The following CAPN9 variants were observed in gnomAD, a reference collection of about 807,000 sequenced individuals.
CAPN9 encodes the protein calpain-9.
A neutral mutation model predicts 92.8 loss-of-function variants in CAPN9; 81 were observed. That is an observed-to-expected ratio of 0.87 (90% confidence interval 0.73 to 1.05). The LOEUF (loss-of-function observed/expected upper bound fraction) is 1.05. CAPN9 is among the 50% of genes least tolerant of loss of function. The probability of loss-of-function intolerance (pLI) is 0.00; values close to 1 mark genes in which losing one functional copy is unlikely to be tolerated. For synonymous variants in CAPN9, 304 were observed against 328.0 expected (o/e 0.93, Z 0.79); for missense variants, 848 against 866.2 (o/e 0.98, Z 0.26).
At chr1:230,796,365 AATAAAT>A (rs1668358853) in intron 18 of CAPN9, among the ~76,000 whole-genome samples, 1 of 148,986 alleles carries the variant, frequency 6.7e-6, no homozygotes, top group African/African-American at 2.4e-5. Flanking sequence ...TAAATAAATA[AATAAAT>A]AATAAAATTA....
chr1:230,761,143 G>A (rs1355102922), intron 3 of CAPN9, among the ~76,000 whole-genome samples: 2 of 152,092 alleles, frequency 1.3e-5, no homozygotes, highest in Non-Finnish European at 1.5e-5. Context: ...ATGTGGGGGT[G>A]GGGAGTGACC....
At chr1:230,797,171 G>A (rs1261822353) in intron 18 of CAPN9, among the ~76,000 whole-genome samples, 3 of 152,108 alleles carry the variant, frequency 2.0e-5, no homozygotes, top group Non-Finnish European at 4.4e-5. Flanking sequence ...TGGGAGTTAC[G>A]CAAATTCGCC....
intron 10 of CAPN9, 77 bp from the exon 11 acceptor site, chr1:230,780,423 C>G: frequency 6.3e-7 from 1 of 1,596,162 alleles, no homozygotes; most frequent in South Asian, 1.1e-5. Flanking sequence ...CGAGACTCAA[C>G]CAAGAGTCCA....
At position 230,801,962 on chromosome 1, in the gene CAPN9, CA is replaced by C. The variant is rs1282326612; in HGVS notation, c.*367del. 1 of 270,238 alleles carries C rather than the reference CA, an allele frequency of 3.7e-6. No individual in the cohort carries two copies. Among genetic ancestry groups the C allele is most frequent in the Admixed American group, 4.6e-5 (1 of 21,594 alleles). 16.7% of individuals were successfully genotyped at this position (270,238 alleles called of 1,614,324 possible). A position where few individuals can be genotyped will look rare whatever the true frequency, so the allele number is the denominator to read the frequency against. ...TGTAGCTCCAGTCATTGTGATCAGA[CA>C]TCCTTTATAAAACATGTTTTTATAA... On this transcript the variant is annotated 3_prime_UTR_variant, in exon 20 of 20. Transcript: ENST00000271971.
chr1:230,751,750 G>A (rs1664856248), intron 1 of CAPN9, among the ~76,000 whole-genome samples: 1 of 151,734 alleles, frequency 6.6e-6, no homozygotes, highest in Non-Finnish European at 1.5e-5. Context: ...CTTCGGCTGA[G>A]CCCCGATGAT....
chr1:230,774,739 CTTTTTT>C (rs747512464), intron 8 of CAPN9, 108 bp downstream of exon 8: 132 of 386,006 alleles, frequency 3.4e-4, no homozygotes, highest in Middle Eastern at 7.2e-4. Context: ...TTCTTTCTTT[CTTTTTT>C]TTTTTTTTTT....
chr1:230,754,150 T>G (rs1665059610), intron 1 of CAPN9, among the ~76,000 whole-genome samples: 1 of 151,298 alleles, frequency 6.6e-6, no homozygotes, highest in Non-Finnish European at 1.5e-5. Flanking sequence ...GGGGCGGGGC[T>G]TCCGAGAGCA....
intron 1 of CAPN9, chr1:230,752,824 G>A (rs149059401): frequency 5.1e-6 from 2 of 389,632 alleles, no homozygotes; most frequent in African/African-American, 4.4e-5. Flanking sequence ...GTTTCCCTTC[G>A]GGCAGGCACA....
intron 14 of CAPN9, 50 bp downstream of exon 14, chr1:230,790,239 G>T: frequency 1.2e-6 from 2 of 1,608,100 alleles, no homozygotes; most frequent in South Asian, 2.2e-5. Context: ...AGGGACAAGC[G>T]ACCACACTGC....
At chr1:230,767,795 A>C (rs879133780) in intron 5 of CAPN9, 86 bp downstream of exon 5, 729 of 1,239,386 alleles carry the variant, frequency 5.9e-4, no homozygotes, top group East Asian at 2.2e-3. Flanking sequence ...TGTACCAGGT[A>C]CCCCAGCCAC....
At chr1:230,786,072 C>A (rs371495187) in intron 12 of CAPN9, 55 bp downstream of exon 12, 3 of 1,609,418 alleles carry the variant, frequency 1.9e-6, no homozygotes, top group Non-Finnish European at 2.6e-6. Flanking sequence ...GTTCTGGAAA[C>A]CTTCCTTCTA....
intron 4 of CAPN9, among the ~76,000 whole-genome samples, chr1:230,766,174 C>T (rs986775804): frequency 2.0e-5 from 3 of 152,166 alleles, no homozygotes; most frequent in African/African-American, 7.2e-5. Flanking sequence ...TAGCTCACTG[C>T]AGCCTGCAAC....
At position 230,747,527 on chromosome 1, in the gene CAPN9, C is replaced by T; in HGVS notation, c.31C>T (p.Gln11Ter). Residue 11 changes from glutamine (Q) to a stop codon, truncating the protein, a stop_gained, in exon 1 of 20, where the codon CAG (glutamine) becomes TAG (stop). Coordinates refer to ENST00000271971, the MANE Select transcript of CAPN9 (RefSeq NM_006615.3). LOFTEE classifies it high-confidence loss of function. The part of the protein sequence containing the change: MPYLYRAPGP[Q>*]AHPVPKDARI... ...TTACCTCTACCGGGCCCCAGGGCCT[C>T]AGGCACACCCGGTTCCCAAGGACGC... 3.1e-6 allele frequency: 5 copies of T among 1,614,170 alleles called. No homozygotes were observed. Among genetic ancestry groups the T allele is most frequent in the Non-Finnish European group, 4.2e-6 (5 of 1,180,036 alleles).
At chr1:230,759,436 C>T in intron 2 of CAPN9, 76 bp from the exon 3 acceptor site, 2 of 1,014,856 alleles carry the variant, frequency 2.0e-6, no homozygotes, top group Non-Finnish European at 3.0e-6. Context: ...CTCCCCACAT[C>T]CCCTTCTGAC....
rs778871242 is a variant in CAPN9 at position 230,747,538 on chromosome 1, G to A, written c.42G>A (p.Pro14=). 2.5e-5 allele frequency: 41 copies of A among 1,614,012 alleles called. No homozygotes were observed. Among genetic ancestry groups the A allele is most frequent in the Admixed American group, 6.7e-5 (4 of 60,014 alleles). The change falls in exon 1 of 20, where the codon CCG becomes CCA. Residue 14 remains proline (P), a synonymous_variant. Transcript: ENST00000271971. The part of the protein sequence containing the change: ...LYRAPGPQAH[P]VPKDARITHS... ...GGGCCCCAGGGCCTCAGGCACACCC[G>A]GTTCCCAAGGACGCCCGGATCACCC... is the stretch of plus-strand genomic sequence containing the variant.
At chr1:230,774,746 T>C (rs1165944345) in intron 8 of CAPN9, 115 bp downstream of exon 8, 188 of 691,040 alleles carry the variant, frequency 2.7e-4, no homozygotes, top group Middle Eastern at 2.7e-3. Context: ...TTTCTTTTTT[T>C]TTTTTTTTTT....
chr1:230,776,309 C>A (rs773808256), intron 8 of CAPN9: 1 of 152,186 alleles, frequency 6.6e-6, no homozygotes, highest in Non-Finnish European at 1.5e-5. Flanking sequence ...AACCTAGTCA[C>A]CTCCCAAAGG....
In CAPN9 at chr1:230,755,326, C is replaced by T; in HGVS notation, c.214-11C>T. ...GCAGGCCTCAGCCTAATAACACTCTCATTCCTCCAGGAAATCGTGAAAAAC... is the reference window on the plus strand; with the variant it reads ...GCAGGCCTCAGCCTAATAACACTCTTATTCCTCCAGGAAATCGTGAAAAAC... On this transcript the variant is annotated splice_polypyrimidine_tract_variant and intron_variant, in intron 1 of 19. Transcript: ENST00000271971. 2 of 1,608,066 alleles carry T rather than the reference C, an allele frequency of 1.2e-6. No homozygotes were observed. Among genetic ancestry groups the T allele is most frequent in the South Asian group, 1.1e-5 (1 of 90,222 alleles).
chr1:230,762,070 C>G (rs963032030), intron 3 of CAPN9, among the ~76,000 whole-genome samples: 1 of 152,232 alleles, frequency 6.6e-6, no homozygotes, highest in Non-Finnish European at 1.5e-5. Context: ...TGTGTGCGCA[C>G]ATGCATTCAC....
Sources: gnomAD v4.1 joint callset for allele counts (sites outside exome capture counted in the v4.1 genomes callset) on GRCh38, gnomAD v4.1.1 for gene constraint, MANE v1.5 for transcripts, NCBI Gene and HGNC (gene_info 2026-07-23, HGNC 2026-07-21) for gene names.